Variants in PCMT1 observed in about 807,000 individuals in gnomAD.
PCMT1 encodes protein-L-isoaspartate (D-aspartate) O-methyltransferase, also known as protein-L-isoaspartate(D-aspartate) O-methyltransferase.
PCMT1 carries 9 observed loss-of-function variants against 29.2 expected under a neutral mutation model. That is an observed-to-expected ratio of 0.31 (90% CI 0.19 to 0.54). PCMT1 has a LOEUF of 0.54. Ranked by LOEUF, PCMT1 falls within the 20% of genes least tolerant of loss-of-function variation. The probability of loss-of-function intolerance (pLI) is 0.95; values close to 1 mark genes in which losing one functional copy is unlikely to be tolerated. For synonymous variants in PCMT1, 98 were observed against 97.5 expected (o/e 1.00, Z -0.03); for missense variants, 184 against 282.2 (o/e 0.65, Z 2.49).
chr6:149,766,529 T>G (rs1787092223), intron 1 of PCMT1, among the ~76,000 whole-genome samples: 1 of 152,218 alleles, frequency 6.6e-6, no homozygotes, highest in Admixed American at 6.5e-5. Flanking sequence ...GTCAGCAAAC[T>G]ACAGGCCACA....
At chr6:149,789,821 C>A (rs889069764) in intron 3 of PCMT1, 133 bp from the exon 4 acceptor site, 2 of 492,306 alleles carry the variant, frequency 4.1e-6, no homozygotes, top group Non-Finnish European at 7.2e-6. Context: ...AATACCTGGG[C>A]AGATAGCCAA....
chr6:149,762,876 A>C (rs1447511750), intron 1 of PCMT1, among the ~76,000 whole-genome samples: 1 of 56,700 alleles, frequency 1.8e-5, no homozygotes, highest in Non-Finnish European at 2.4e-5. Flanking sequence ...TATATCTATG[A>C]TATATATGTT....
In PCMT1 at chr6:149,773,223, C is replaced by T. The variant is rs567089019; in HGVS notation, c.192+54C>T. On this transcript the variant is annotated intron_variant, in intron 3 of 7. Transcript: ENST00000464889. ...AATGGATTACATTTTTCTCTATAAT[C>T]ATTTTCTTTAGTAAAAAAGATTTAA... 1.3e-4 allele frequency: 170 copies of T among 1,343,010 alleles called. No homozygotes were observed. The African/African-American group carries it at 1.9e-3, about 15-fold the overall frequency. 83.2% of individuals were successfully genotyped at this position (1,343,010 alleles called of 1,614,324 possible). A position where few individuals can be genotyped will look rare whatever the true frequency, so the allele number is the denominator to read the frequency against.
intron 3 of PCMT1, among the ~76,000 whole-genome samples, chr6:149,782,363 C>A: frequency 6.6e-6 from 1 of 151,954 alleles, no homozygotes; most frequent in East Asian, 1.9e-4. Context: ...ATCTAATGAA[C>A]CTTAAAATCA....
intron 4 of PCMT1, among the ~76,000 whole-genome samples, chr6:149,790,812 C>A (rs368526564): frequency 9.2e-5 from 14 of 152,210 alleles, no homozygotes; most frequent in Admixed American, 3.3e-4. Context: ...AGTTCGAGAC[C>A]AGCCTGGCCA....
At chr6:149,764,323 T>A (rs1021254873) in intron 1 of PCMT1, among the ~76,000 whole-genome samples, 3 of 152,238 alleles carry the variant, frequency 2.0e-5, no homozygotes, top group Non-Finnish European at 4.4e-5. Flanking sequence ...TCAAATGAAA[T>A]AATAATAGTG....
chr6:149,771,526 T>C (rs943154443), intron 2 of PCMT1, among the ~76,000 whole-genome samples: 2 of 152,216 alleles, frequency 1.3e-5, no homozygotes, highest in Admixed American at 1.3e-4. Flanking sequence ...AAAAAAACTT[T>C]TGTATTTGGA....
At chr6:149,786,696 G>A (rs1365515247) in intron 3 of PCMT1, among the ~76,000 whole-genome samples, 5 of 149,864 alleles carry the variant, frequency 3.3e-5, no homozygotes, top group East Asian at 2.0e-4. Context: ...CCGGGCAGAG[G>A]CGCTCCTCAC....
chr6:149,777,376 A>G (rs1312357517), intron 3 of PCMT1, among the ~76,000 whole-genome samples: 2 of 152,250 alleles, frequency 1.3e-5, no homozygotes, highest in Admixed American at 1.3e-4. Context: ...TAATTTTTAC[A>G]TCATCGTAAA....
chr6:149,760,801 A>C (rs1786705914), intron 1 of PCMT1, among the ~76,000 whole-genome samples: 1 of 152,138 alleles, frequency 6.6e-6, no homozygotes, highest in Non-Finnish European at 1.5e-5. Flanking sequence ...GCAGTGAGCC[A>C]AGATCGTACC....
intron 1 of PCMT1, among the ~76,000 whole-genome samples, chr6:149,769,308 C>A (rs201947626): frequency 2.8e-5 from 2 of 71,544 alleles, no homozygotes; most frequent in Non-Finnish European, 2.2e-5. Context: ...GTGCAGGATT[C>A]TTTTTTTTTT....
intron 1 of PCMT1, among the ~76,000 whole-genome samples, chr6:149,768,151 G>A (rs1029188903): frequency 6.6e-6 from 1 of 151,882 alleles, no homozygotes; most frequent in African/African-American, 2.4e-5. Flanking sequence ...GAGTACAGTG[G>A]CATGATCACA....
rs60853264 is a variant in PCMT1 at position 149,803,052 on chromosome 6, C to CAAAAAAAA, written c.*37+659_*37+666dup. On this transcript the variant is annotated intron_variant, in intron 7 of 7. Transcript: ENST00000464889. Reference sequence around the variant, plus strand: ...TGGGAGACAGAGCAAGGCTCTGTCTCAAAAAAAAAAAAAAAAAAAAAAAAA... The same window carrying CAAAAAAAA: ...TGGGAGACAGAGCAAGGCTCTGTCTCAAAAAAAAAAAAAAAAAAAAAAAAAAAAAAAAA... 3.1e-4 allele frequency among the ~76,000 whole-genome samples: 22 copies of CAAAAAAAA among 70,570 alleles called. 1 individual carries two copies. Among genetic ancestry groups the CAAAAAAAA allele is most frequent in the Non-Finnish European group, 4.8e-4 (17 of 35,164 alleles). The allele number at this position is 70,570 out of a possible 152,430, so 46.3% of individuals were successfully genotyped here. A position where few individuals can be genotyped will look rare whatever the true frequency, so the allele number is the denominator to read the frequency against.
chr6:149,800,077 T>A (rs1788764395), intron 6 of PCMT1, among the ~76,000 whole-genome samples: 1 of 152,100 alleles, frequency 6.6e-6, no homozygotes, highest in Admixed American at 6.6e-5. Flanking sequence ...TGTTTTTCAT[T>A]ATAAGCCTTG....
At chr6:149,799,655 G>T (rs1788745623) in intron 6 of PCMT1, among the ~76,000 whole-genome samples, 1 of 152,122 alleles carries the variant, frequency 6.6e-6, no homozygotes, top group Non-Finnish European at 1.5e-5. Context: ...TGAAATGAGG[G>T]AAGAGACAGA....
At chr6:149,805,527 G>T (rs1256180072) in intron 7 of PCMT1, among the ~76,000 whole-genome samples, 1 of 152,022 alleles carries the variant, frequency 6.6e-6, no homozygotes, top group Non-Finnish European at 1.5e-5. Flanking sequence ...CTGGGAGGCC[G>T]AGCTTGCAGT....
intron 1 of PCMT1, among the ~76,000 whole-genome samples, chr6:149,768,602 C>A (rs1292547775): frequency 6.6e-6 from 1 of 151,654 alleles, no homozygotes; most frequent in African/African-American, 2.4e-5. Flanking sequence ...AGACATGAAC[C>A]ACCATGCACG....
chr6:149,779,070 G>C (rs527747421), intron 3 of PCMT1, among the ~76,000 whole-genome samples: 1 of 152,038 alleles, frequency 6.6e-6, no homozygotes. Context: ...TGCGGGGCCC[G>C]GGTTGAGAGA....
chr6:149,796,565 A>G, intron 6 of PCMT1, 65 bp downstream of exon 6: 1 of 1,111,054 alleles, frequency 9.0e-7, no homozygotes, highest in South Asian at 1.4e-5. Context: ...ACTTAAATAG[A>G]AAAGACTTCT....
Sources: allele counts gnomAD v4.1 joint callset (sites outside exome capture counted in the v4.1 genomes callset), GRCh38; gene constraint gnomAD v4.1.1; transcripts MANE v1.5; gene names NCBI Gene and HGNC (gene_info 2026-07-23, HGNC 2026-07-21).